Variants in SLCO6A1 observed in about 807,000 individuals in gnomAD.
SLCO6A1 encodes solute carrier organic anion transporter family member 6A1.
Under a neutral mutation model 72.7 loss-of-function variants are expected in SLCO6A1, and 65 were observed. The ratio of observed to expected loss-of-function variants is 0.89; its 90% CI spans 0.73 to 1.10. The LOEUF is 1.10. Among genes scored for constraint, SLCO6A1 ranks in the 50% least tolerant of loss-of-function variants. The pLI is 0.00. For missense variants in SLCO6A1, 874 were observed against 872.6 expected (o/e 1.00, Z -0.02); for synonymous variants, 314 against 298.2 (o/e 1.05, Z -0.55).
At chr5:102,453,738 T>G (rs191903672) in intron 6 of SLCO6A1, among the ~76,000 whole-genome samples, 20 of 152,322 alleles carry the variant, frequency 1.3e-4, no homozygotes, top group Admixed American at 1.2e-3. Flanking sequence ...TAAGCCTGGC[T>G]TCCCAGGAGT....
intron 7 of SLCO6A1, among the ~76,000 whole-genome samples, chr5:102,434,665 G>A (rs574556022): frequency 1.3e-5 from 2 of 152,268 alleles, no homozygotes; most frequent in Admixed American, 6.5e-5. Context: ...TAACAGAGAC[G>A]TGGCTTTCTG....
At chr5:102,488,500 G>C (rs1752537123) in intron 1 of SLCO6A1, among the ~76,000 whole-genome samples, 1 of 152,088 alleles carries the variant, frequency 6.6e-6, no homozygotes, top group South Asian at 2.1e-4. Flanking sequence ...TCCATTAATA[G>C]TAGACTAAAT....
chr5:102,459,903 ACT>A, intron 4 of SLCO6A1, 126 bp from the exon 5 acceptor site: 1 of 720,070 alleles, frequency 1.4e-6, no homozygotes, highest in Non-Finnish European at 2.1e-6. Context: ...CAGAAATGGA[ACT>A]TTTTTTGTTA....
At chr5:102,430,647 C>G (rs892880341) in intron 7 of SLCO6A1, among the ~76,000 whole-genome samples, 3 of 152,038 alleles carry the variant, frequency 2.0e-5, no homozygotes, top group African/African-American at 7.2e-5. Context: ...AGGGATAAAA[C>G]CTACTTGATC....
At chr5:102,469,827 C>T (rs1160848920) in intron 4 of SLCO6A1, among the ~76,000 whole-genome samples, 1 of 152,030 alleles carries the variant, frequency 6.6e-6, no homozygotes, top group African/African-American at 2.4e-5. Flanking sequence ...TTTTGAGATA[C>T]ATTCCATCAA....
intron 1 of SLCO6A1, among the ~76,000 whole-genome samples, 189 bp from the exon 2 acceptor site, chr5:102,480,623 A>G (rs6866255): frequency 0.65 from 99,474 of 152,000 alleles, 32,814 homozygotes; most frequent in African/African-American, 0.69. Flanking sequence ...CAAAATATTC[A>G]CTAATTGAAT....
chr5:102,434,550 T>C (rs1241282586), intron 7 of SLCO6A1, among the ~76,000 whole-genome samples: 3 of 152,184 alleles, frequency 2.0e-5, no homozygotes, highest in African/African-American at 7.2e-5. Context: ...GGTGTCTTCT[T>C]CCAGCACACA....
intron 9 of SLCO6A1, among the ~76,000 whole-genome samples, chr5:102,410,394 A>C (rs1389717732): frequency 6.6e-6 from 1 of 152,104 alleles, no homozygotes; most frequent in Non-Finnish European, 1.5e-5. Context: ...GTGCATGCTG[A>C]TTTGTCCATG....
intron 6 of SLCO6A1, among the ~76,000 whole-genome samples, chr5:102,452,136 T>C (rs1420572604): frequency 2.0e-5 from 3 of 152,226 alleles, no homozygotes; most frequent in Non-Finnish European, 4.4e-5. Context: ...TCATTGACAC[T>C]TCCTTATTCA....
At chr5:102,498,442 G>A (rs527950889) in intron 1 of SLCO6A1, 45 bp downstream of exon 1, 2 of 1,561,782 alleles carry the variant, frequency 1.3e-6, no homozygotes, top group Non-Finnish European at 1.7e-6. Flanking sequence ...CGCCAGTGCG[G>A]CCCCAGCTGC....
At chr5:102,465,943 A>G (rs1751286974) in intron 4 of SLCO6A1, among the ~76,000 whole-genome samples, 1 of 152,160 alleles carries the variant, frequency 6.6e-6, no homozygotes, top group African/African-American at 2.4e-5. Context: ...TGTCTCTACT[A>G]TACAGCAGAA....
chr5:102,423,118 G>A (rs551553022), intron 7 of SLCO6A1, among the ~76,000 whole-genome samples: 1 of 152,236 alleles, frequency 6.6e-6, no homozygotes, highest in South Asian at 2.1e-4. Flanking sequence ...AAGAGCTCCT[G>A]CAGGAAACAC....
intron 9 of SLCO6A1, among the ~76,000 whole-genome samples, chr5:102,400,596 C>T (rs749985470): frequency 1.1e-4 from 17 of 151,612 alleles, no homozygotes; most frequent in South Asian, 2.1e-4. Flanking sequence ...GAGACCAGTT[C>T]GCAATTTATT....
At position 102,422,562 on chromosome 5, in the gene SLCO6A1, A is replaced by G. The variant is rs573594845; in HGVS notation, c.1277-2541T>C. ...CAACTTAAGGATATAAAGCATGAAG[A>G]CAAGATTAGAGAAAAAAGAATGAAA... On this transcript the variant is annotated intron_variant, in intron 7 of 13. Transcript: ENST00000506729. Among the ~76,000 whole-genome samples, 19 of 152,332 alleles carry G rather than the reference A, an allele frequency of 1.2e-4. 1 individual carries two copies. The East Asian group carries it at 3.7e-3, about 29-fold the overall frequency.
intron 6 of SLCO6A1, among the ~76,000 whole-genome samples, chr5:102,454,454 G>C (rs1400168184): frequency 6.6e-6 from 1 of 152,162 alleles, no homozygotes; most frequent in Non-Finnish European, 1.5e-5. Flanking sequence ...TGGAGGTCAG[G>C]ATTTTCCACG....
chr5:102,410,431 C>T (rs1168389677), intron 9 of SLCO6A1, among the ~76,000 whole-genome samples: 1 of 152,142 alleles, frequency 6.6e-6, no homozygotes, highest in African/African-American at 2.4e-5. Context: ...CCAGAAAAGG[C>T]ACCACACCTC....
Position 102,498,792 on chromosome 5 carries a change from C to T in SLCO6A1, c.53G>A (p.Gly18Glu), listed in dbSNP as rs112814311. The T allele has an allele frequency of 7.4e-6, 12 of 1,613,878 alleles. No homozygotes were observed. The highest frequency in any genetic ancestry group is 6.7e-5 in the African/African-American group (5 of 75,044). ...CCGCGCGGCCTCCAGCGGCTCTACT[C>T]CCCTTGAGACTTCATCCTGGCTCCC... ...HSGSQDEVSR[G>E]VEPLEAARAQ... Residue 18 changes from glycine to glutamate, a missense_variant, in exon 1 of 14, where the codon GGA becomes GAA. Gly to Glu is a moderately conservative substitution (Grantham distance 98, BLOSUM62 -2). Transcript: ENST00000506729.
chr5:102,404,847 T>C (rs933951333), intron 9 of SLCO6A1, among the ~76,000 whole-genome samples: 5 of 152,046 alleles, frequency 3.3e-5, no homozygotes, highest in African/African-American at 9.7e-5. Flanking sequence ...ATCGCAGAAA[T>C]TAAACCAAAG....
intron 6 of SLCO6A1, among the ~76,000 whole-genome samples, chr5:102,439,648 ACT>A (rs1459041321): frequency 6.6e-6 from 1 of 152,080 alleles, no homozygotes; most frequent in Non-Finnish European, 1.5e-5. Flanking sequence ...ACCATCACAA[ACT>A]ACACTACATT....
Sources: gnomAD v4.1 joint callset for allele counts (sites outside exome capture counted in the v4.1 genomes callset) on GRCh38, gnomAD v4.1.1 for gene constraint, MANE v1.5 for transcripts, NCBI Gene and HGNC (gene_info 2026-07-23, HGNC 2026-07-21) for gene names.